The following ARHGAP28 variants were observed in gnomAD, a reference collection of about 807,000 sequenced individuals.
The protein encoded by ARHGAP28 is Rho GTPase activating protein 28, also known as rho GTPase-activating protein 28.
Under a neutral mutation model 90.7 loss-of-function variants are expected in ARHGAP28, and 56 were observed. The ratio of observed to expected loss-of-function variants is 0.62; its 90% confidence interval spans 0.50 to 0.77. The LOEUF (loss-of-function observed/expected upper bound fraction) is 0.77, where lower values mean the gene tolerates loss of function less well. Ranked by LOEUF, ARHGAP28 falls within the 30% of genes least tolerant of loss-of-function variation. The probability of loss-of-function intolerance (pLI) is 0.00; values close to 1 mark genes in which losing one functional copy is unlikely to be tolerated. For missense variants in ARHGAP28, 869 were observed against 900.9 expected, an observed-to-expected ratio of 0.96 and a Z score of 0.45; for synonymous variants, 308 against 323.3, an observed-to-expected ratio of 0.95 and a Z score of 0.51.
chr18:6,762,070 T>G (rs1474124533), intron 1 of ARHGAP28, among the ~76,000 whole-genome samples: 1 of 152,178 alleles, frequency 6.6e-6, no homozygotes, highest in Admixed American at 6.5e-5. Flanking sequence ...CATTCTCCTT[T>G]TCTCCTTCCC....
chr18:6,795,567 T>C (rs917847129), intron 1 of ARHGAP28, among the ~76,000 whole-genome samples: 2 of 152,220 alleles, frequency 1.3e-5, no homozygotes, highest in African/African-American at 4.8e-5. Flanking sequence ...CTACTAACTC[T>C]ACACTGGCAG....
chr18:6,767,447 G>A lies in ARHGAP28; in HGVS notation c.122+37504G>A, dbSNP rs189311019. Among the ~76,000 whole-genome samples, 39 of 151,746 alleles carry A rather than the reference G, an allele frequency of 2.6e-4. 1 individual carries two copies. Among genetic ancestry groups the A allele is most frequent in the Non-Finnish European group, 1.5e-5 (1 of 67,874 alleles). On this transcript the variant is annotated intron_variant, in intron 1 of 17. Transcript: ENST00000383472. ...TTTGTAGAGGTCCAAGTTTCCATCTGGTATTATTTTCTTTCTGCTTGAAAA... is the reference window on the plus strand; with the variant it reads ...TTTGTAGAGGTCCAAGTTTCCATCTAGTATTATTTTCTTTCTGCTTGAAAA...
Position 6,903,803 on chromosome 18 carries a change from T to G in ARHGAP28, c.2031-5157T>G, listed in dbSNP as rs1466319276. 1.9e-4 allele frequency among the ~76,000 whole-genome samples: 22 copies of G among 113,354 alleles called. No homozygotes were observed. The Admixed American group carries it at 2.1e-3, about 11-fold the overall frequency. 74.4% of individuals were successfully genotyped at this position (113,354 alleles called of 152,430 possible). ...GAGATCACGCCACTGCACTCCAGTCTGGGTGACAGCAAGACTCCATCTCAA... is the reference window on the plus strand; with the variant it reads ...GAGATCACGCCACTGCACTCCAGTCGGGGTGACAGCAAGACTCCATCTCAA... On this transcript the variant is annotated intron_variant, in intron 16 of 17. Transcript: ENST00000383472.
intron 1 of ARHGAP28, among the ~76,000 whole-genome samples, chr18:6,732,035 A>G (rs959355661): frequency 8.6e-5 from 13 of 152,030 alleles, no homozygotes; most frequent in Admixed American, 2.6e-4. Context: ...CATAGGTTCA[A>G]TTCAAAGCAA....
chr18:6,847,573 G>A (rs1468417110), intron 3 of ARHGAP28, among the ~76,000 whole-genome samples: 1 of 151,902 alleles, frequency 6.6e-6, no homozygotes, highest in South Asian at 2.1e-4. Flanking sequence ...CTAACCATAC[G>A]AAGCAGAAGA....
In ARHGAP28 at chr18:6,824,872, TGGAG is replaced by T; in HGVS notation, c.235_238del (p.Glu79IlefsTer6). ...GAAGCCTCCGTAGACAGCGCCTCCATGGAGGATTTCTGGCGGGAAATAGAAAGTA... is the reference window on the plus strand; with the variant it reads ...GAAGCCTCCGTAGACAGCGCCTCCATGATTTCTGGCGGGAAATAGAAAGTA... On this transcript the variant is annotated frameshift_variant, in exon 2 of 18. Coordinates refer to ENST00000383472, the MANE Select transcript of ARHGAP28 (RefSeq NM_001366230.1). LOFTEE classifies it high-confidence loss of function. 6.5e-7 allele frequency: 1 copy of T among 1,536,290 alleles called. No homozygotes were observed. The highest frequency in any genetic ancestry group is 8.7e-7 in the Non-Finnish European group (1 of 1,146,932).
Position 6,882,460 on chromosome 18 carries a change from A to G in ARHGAP28, c.1453+161A>G. ...TGATGGCAAACAGTCACCTACTTAC[A>G]TACTTATATACTTAAGCCTGGTTTA... On this transcript the variant is annotated intron_variant, in intron 11 of 17. Coordinates refer to ENST00000383472, the MANE Select transcript of ARHGAP28 (RefSeq NM_001366230.1). 3 of 566,548 alleles carry G rather than the reference A, an allele frequency of 5.3e-6. No homozygotes were observed. The East Asian group carries it at 9.2e-5, about 17-fold the overall frequency. The allele number at this position is 566,548 out of a possible 1,614,324, so 35.1% of individuals were successfully genotyped here.
At chr18:6,739,733 T>C (rs528230487) in intron 1 of ARHGAP28, among the ~76,000 whole-genome samples, 8 of 151,940 alleles carry the variant, frequency 5.3e-5, no homozygotes, top group Admixed American at 3.9e-4. Context: ...TCTTAGTAAC[T>C]AGATCTTATA....
chr18:6,846,180 G>A (rs948755175), intron 3 of ARHGAP28, among the ~76,000 whole-genome samples: 2 of 152,184 alleles, frequency 1.3e-5, no homozygotes, highest in Admixed American at 6.5e-5. Context: ...TTATACTTCA[G>A]TATGTTTCCT....
intron 1 of ARHGAP28, among the ~76,000 whole-genome samples, chr18:6,779,229 T>C (rs1301829724): frequency 6.6e-6 from 1 of 152,196 alleles, no homozygotes; most frequent in African/African-American, 2.4e-5. Flanking sequence ...GTACTGCATA[T>C]GAAAATAATC....
Position 6,808,397 on chromosome 18 carries a change from CTG to C in ARHGAP28, c.123-16361_123-16360del, listed in dbSNP as rs1195246385. Among the ~76,000 whole-genome samples, 7 of 152,194 alleles carry C rather than the reference CTG, an allele frequency of 4.6e-5. No homozygotes were observed. In the East Asian group the frequency reaches 1.2e-3, roughly 25 times the overall value. The stretch of plus-strand genomic sequence containing the variant: ...ATTTTTTCTGCTAACTCCATCATCT[CTG>C]TGTCTTTCTATTGAGATTTTTCTTC... On this transcript the variant is annotated intron_variant, in intron 1 of 17. Coordinates refer to ENST00000383472, the MANE Select transcript of ARHGAP28 (RefSeq NM_001366230.1).
chr18:6,779,301 T>A (rs1328364879), intron 1 of ARHGAP28, among the ~76,000 whole-genome samples: 6 of 152,202 alleles, frequency 3.9e-5, no homozygotes, highest in Non-Finnish European at 8.8e-5. Flanking sequence ...ATTGAAGCTC[T>A]GCAAAGTAAG....
rs74363514 is a variant in ARHGAP28, at chr18:6,899,024, C to T, written c.2030+2398C>T. Reference sequence around the variant, plus strand: ...AACCAAATACCTGTTCCCAAAAAACCTATGGAAAGAAAAAACTTTTAAAAT... The same window carrying T: ...AACCAAATACCTGTTCCCAAAAAACTTATGGAAAGAAAAAACTTTTAAAAT... On this transcript the variant is annotated intron_variant, in intron 16 of 17. Coordinates refer to ENST00000383472, the MANE Select transcript of ARHGAP28 (RefSeq NM_001366230.1). Among the ~76,000 whole-genome samples, 1,155 of 152,166 alleles carry T rather than the reference C, an allele frequency of 7.6e-3. 11 individuals are homozygous for T. Among genetic ancestry groups the T allele is most frequent in the African/African-American group, 0.027 (1,125 of 41,490 alleles).
At position 6,841,195 on chromosome 18, in the gene ARHGAP28, CTCTCTCTCCTCTCCT is replaced by C. The variant is rs1444388161; in HGVS notation, c.543+3782_543+3796del. On this transcript the variant is annotated intron_variant, in intron 3 of 17. Coordinates refer to ENST00000383472, the MANE Select transcript of ARHGAP28 (RefSeq NM_001366230.1). The stretch of plus-strand genomic sequence containing the variant: ...CTCTCTCTCTCCTCTCTCTCTCTCT[CTCTCTCTCCTCTCCT>C]CTCTCTCTCTCTCCCCCCAACCCGC... Among the ~76,000 whole-genome samples the C allele has an allele frequency of 5.1e-4, 32 of 63,364 alleles. 2 individuals are homozygous for C. In the South Asian group the frequency reaches 5.3e-3, roughly 10 times the overall value. The allele number at this position is 63,364 out of a possible 152,430, so 41.6% of individuals were successfully genotyped here.
At chr18:6,883,726 G>A (rs891165695) in intron 11 of ARHGAP28, among the ~76,000 whole-genome samples, 1 of 152,162 alleles carries the variant, frequency 6.6e-6, no homozygotes, top group African/African-American at 2.4e-5. Flanking sequence ...ATCTTTGAAT[G>A]TTTTAACTAA....
chr18:6,767,007 C>G (rs1013006354), intron 1 of ARHGAP28, among the ~76,000 whole-genome samples: 2 of 152,188 alleles, frequency 1.3e-5, no homozygotes, highest in African/African-American at 4.8e-5. Context: ...TATATGTTTA[C>G]TATTTATCCC....
chr18:6,905,778 AC>A (rs1422020252), intron 16 of ARHGAP28, among the ~76,000 whole-genome samples: 1 of 152,176 alleles, frequency 6.6e-6, no homozygotes, highest in East Asian at 1.9e-4. Context: ...AAAAGTAAAA[AC>A]ACAATACCCT....
intron 4 of ARHGAP28, among the ~76,000 whole-genome samples, chr18:6,857,381 G>C (rs1355611384): frequency 6.6e-6 from 1 of 152,192 alleles, no homozygotes; most frequent in Non-Finnish European, 1.5e-5. Flanking sequence ...TATCAACATA[G>C]ATATAAACGT....
At position 6,890,464 on chromosome 18, in the gene ARHGAP28, T is replaced by C. The variant is rs2057256128; in HGVS notation, c.1769T>C (p.Met590Thr). ...TTCTTAATCACTCAAGTAAGAAGAATGAATGAAGCCACGATGCTATTGAAG... is the reference window on the plus strand; with the variant it reads ...TTCTTAATCACTCAAGTAAGAAGAACGAATGAAGCCACGATGCTATTGAAG... ...PSFLITQVRRMNEATMLLKKQ... is the reference protein window; with the variant it reads ...PSFLITQVRRTNEATMLLKKQ... Residue 590 changes from methionine (M) to threonine (T), a missense_variant, in exon 14 of 18, where the codon ATG becomes ACG. Coordinates refer to ENST00000383472, the MANE Select transcript of ARHGAP28 (RefSeq NM_001366230.1). 2 of 1,613,484 alleles carry C rather than the reference T, an allele frequency of 1.2e-6. No individual in the cohort carries two copies. Among genetic ancestry groups the C allele is most frequent in the African/African-American group, 1.3e-5 (1 of 75,012 alleles).
Sources: gnomAD v4.1 joint callset for allele counts (sites outside exome capture counted in the v4.1 genomes callset) on GRCh38, gnomAD v4.1.1 for gene constraint, MANE v1.5 for transcripts, NCBI Gene and HGNC (gene_info 2026-07-23, HGNC 2026-07-21) for gene names.